SGCZ: variants seen among roughly 807,000 people sequenced by gnomAD.
The protein encoded by SGCZ is zeta-sarcoglycan.
In SGCZ, 40 loss-of-function variants were observed where a neutral mutation model predicts 41.3. That is an observed-to-expected ratio of 0.97 (90% CI 0.75 to 1.26). The LOEUF (loss-of-function observed/expected upper bound fraction) is 1.26, where lower values mean the gene tolerates loss of function less well. SGCZ is among the 50% of genes most tolerant of loss of function. SGCZ has a pLI of 0.00. For missense variants in SGCZ, 552 were observed against 369.8 expected, an observed-to-expected ratio of 1.49 and a Z score of -4.04; for synonymous variants, 206 against 137.5, an observed-to-expected ratio of 1.50 and a Z score of -3.49.
intron 1 of SGCZ, among the ~76,000 whole-genome samples, chr8:14,931,533 ATAACCT>A (rs1423605980): frequency 6.6e-6 from 1 of 152,038 alleles, no homozygotes; most frequent in Non-Finnish European, 1.5e-5. Flanking sequence ...GACATGCAGC[ATAACCT>A]TGAATTTTTT....
intron 2 of SGCZ, among the ~76,000 whole-genome samples, chr8:14,547,856 A>G (rs1383592507): frequency 6.6e-6 from 1 of 152,158 alleles, no homozygotes; most frequent in Non-Finnish European, 1.5e-5. Context: ...TGTTAATATC[A>G]TCTGGATTTA....
At chr8:14,110,351 A>T (rs557757495) in intron 5 of SGCZ, among the ~76,000 whole-genome samples, 1 of 152,262 alleles carries the variant, frequency 6.6e-6, no homozygotes, top group African/African-American at 2.4e-5. Flanking sequence ...ATATAATTAA[A>T]CATCGGTAAT....
At chr8:14,651,765 T>C (rs564611603) in intron 1 of SGCZ, among the ~76,000 whole-genome samples, 27 of 152,254 alleles carry the variant, frequency 1.8e-4, no homozygotes, top group African/African-American at 5.8e-4. Flanking sequence ...ATTGTGTTTC[T>C]ACCCCATAAA....
At chr8:14,820,885 A>C (rs923768629) in intron 1 of SGCZ, among the ~76,000 whole-genome samples, 2 of 149,556 alleles carry the variant, frequency 1.3e-5, no homozygotes, top group Non-Finnish European at 3.0e-5. Flanking sequence ...ACAAAAAAAG[A>C]TTTCAAATAA....
intron 1 of SGCZ, among the ~76,000 whole-genome samples, chr8:15,194,224 C>A (rs1215118608): frequency 6.7e-6 from 1 of 148,872 alleles, no homozygotes; most frequent in Admixed American, 6.7e-5. Flanking sequence ...CACACACACA[C>A]ACACCACAAC....
At chr8:14,170,765 T>C (rs12679640) in intron 4 of SGCZ, among the ~76,000 whole-genome samples, 13,061 of 152,106 alleles carry the variant, frequency 0.086, 615 homozygotes, top group Middle Eastern at 0.12. Flanking sequence ...CTCATAGTCA[T>C]TCAAATAGGT....
chr8:14,781,320 C>T (rs1189345610), intron 1 of SGCZ, among the ~76,000 whole-genome samples: 2 of 152,172 alleles, frequency 1.3e-5, no homozygotes, highest in Admixed American at 1.3e-4. Context: ...AAACGTCAGC[C>T]TCCCAGGTTC....
At chr8:14,817,030 A>G (rs1406211945) in intron 1 of SGCZ, among the ~76,000 whole-genome samples, 2 of 152,176 alleles carry the variant, frequency 1.3e-5, no homozygotes, top group Non-Finnish European at 2.9e-5. Context: ...CTCAAATCAC[A>G]TTAAAAGTTT....
intron 1 of SGCZ, among the ~76,000 whole-genome samples, chr8:14,885,014 T>G (rs1804735366): frequency 1.3e-5 from 2 of 152,150 alleles, no homozygotes; most frequent in Non-Finnish European, 2.9e-5. Flanking sequence ...ACTTTTTCCT[T>G]GTATTAGTAA....
chr8:14,844,365 T>C (rs981385008), intron 1 of SGCZ, among the ~76,000 whole-genome samples: 13 of 152,294 alleles, frequency 8.5e-5, no homozygotes, highest in African/African-American at 3.1e-4. Context: ...GAGAATAATA[T>C]ATCCTTTCCT....
intron 1 of SGCZ, among the ~76,000 whole-genome samples, chr8:14,869,473 G>A (rs1254619026): frequency 6.6e-6 from 1 of 152,136 alleles, no homozygotes; most frequent in South Asian, 2.1e-4. Context: ...CAAACCCACA[G>A]CCAATATCAT....
intron 1 of SGCZ, among the ~76,000 whole-genome samples, chr8:15,225,151 A>T (rs1301388569): frequency 6.6e-6 from 1 of 152,198 alleles, no homozygotes. Flanking sequence ...TTTCAAGGAA[A>T]CTCAGAATAT....
intron 1 of SGCZ, among the ~76,000 whole-genome samples, chr8:15,005,227 C>T (rs1294352711): frequency 1.3e-5 from 2 of 152,022 alleles, no homozygotes; most frequent in South Asian, 2.1e-4. Flanking sequence ...CCAAAAGGCA[C>T]CATTTAGCAC....
chr8:14,248,380 G>A (rs1030164793), intron 3 of SGCZ, among the ~76,000 whole-genome samples: 1 of 152,268 alleles, frequency 6.6e-6, no homozygotes. Flanking sequence ...ATGATAATGT[G>A]CGTGTGTAGA....
chr8:15,082,926 A>T (rs1805806680), intron 1 of SGCZ, among the ~76,000 whole-genome samples: 1 of 150,634 alleles, frequency 6.6e-6, no homozygotes, highest in Non-Finnish European at 1.5e-5. Flanking sequence ...ATTTTCTAGC[A>T]TTTTTTTTTC....
At chr8:14,672,440 A>C (rs1877010) in intron 1 of SGCZ, among the ~76,000 whole-genome samples, 83,491 of 151,950 alleles carry the variant, frequency 0.55, 24,630 homozygotes, top group African/African-American at 0.75. Context: ...GTTGTTTTTT[A>C]AATTCATGTA....
At chr8:14,126,790 A>T (rs1274570241) in intron 5 of SGCZ, among the ~76,000 whole-genome samples, 3 of 152,218 alleles carry the variant, frequency 2.0e-5, no homozygotes, top group Non-Finnish European at 4.4e-5. Context: ...TACACCACGG[A>T]ATACTATGCA....
chr8:15,017,802 GGCCAT>G (rs1344022516), intron 1 of SGCZ, among the ~76,000 whole-genome samples: 2 of 152,126 alleles, frequency 1.3e-5, no homozygotes, highest in Non-Finnish European at 1.5e-5. Flanking sequence ...CGTGGTGCCT[GGCCAT>G]CATCACACTT....
chr8:14,163,542 A>T (rs936918317), intron 5 of SGCZ, among the ~76,000 whole-genome samples: 2 of 152,218 alleles, frequency 1.3e-5, no homozygotes, highest in Non-Finnish European at 2.9e-5. Flanking sequence ...GAGCCAACAC[A>T]ACCTCTTCAT....
Sources: gnomAD v4.1 joint callset for allele counts (sites outside exome capture counted in the v4.1 genomes callset) on GRCh38, gnomAD v4.1.1 for gene constraint, MANE v1.5 for transcripts, NCBI Gene and HGNC (gene_info 2026-07-23, HGNC 2026-07-21) for gene names.